ZNF334: variants seen among roughly 807,000 people sequenced by gnomAD.
ZNF334 encodes zinc finger protein 334.
A neutral mutation model predicts 12.4 loss-of-function variants in ZNF334; 14 were observed. The ratio of observed to expected loss-of-function variants is 1.13; its 90% CI spans 0.74 to 1.76. The LOEUF is 1.76. Among genes scored for constraint, ZNF334 ranks in the 40% most tolerant of loss-of-function variants. ZNF334 has a pLI of 0.00. For missense variants in ZNF334, 797 were observed against 804.5 expected (o/e 0.99, Z 0.11); for synonymous variants, 273 against 269.6 (o/e 1.01, Z -0.12).
chr20:46,485,292 A>G, the ZNF334 span, among the ~76,000 whole-genome samples: 1 of 152,364 alleles, frequency 6.6e-6, no homozygotes, highest in East Asian at 1.9e-4. Context: ...GTCTTAGGAC[A>G]GTAAACGGTG....
intron 3 of ZNF334, 59 bp downstream of exon 3, chr20:46,504,555 T>G (rs2061364284): frequency 6.6e-7 from 1 of 1,525,888 alleles, no homozygotes; most frequent in Non-Finnish European, 8.8e-7. Flanking sequence ...AATCAACATG[T>G]TTTTGTAACA....
At chr20:46,488,779 G>C in the ZNF334 span, among the ~76,000 whole-genome samples, 1 of 148,050 alleles carries the variant, frequency 6.8e-6, no homozygotes, top group Non-Finnish European at 1.5e-5. Flanking sequence ...AAAGCCATAT[G>C]CTGGGCATAG....
At chr20:46,484,580 G>A in the ZNF334 span, 6 of 167,482 alleles carry the variant, frequency 3.6e-5, no homozygotes, top group Admixed American at 6.5e-5. Flanking sequence ...AATACCTTGC[G>A]TCTTTGGGTA....
the ZNF334 span, among the ~76,000 whole-genome samples, chr20:46,490,125 C>A: frequency 3.9e-5 from 6 of 152,128 alleles, no homozygotes; most frequent in East Asian, 1.9e-4. Flanking sequence ...TGTGTTCATG[C>A]AATATAAGAA....
chr20:46,505,389 T>C (rs1409331327), intron 2 of ZNF334: 2 of 152,798 alleles, frequency 1.3e-5, no homozygotes, highest in African/African-American at 2.4e-5. Context: ...TACTTAGGAA[T>C]TGTAGTATAT....
the ZNF334 span, chr20:46,464,853 C>T: frequency 1.5e-5 from 8 of 540,074 alleles, no homozygotes; most frequent in Non-Finnish European, 2.7e-5. Context: ...GACTCAGCTT[C>T]GCCTGTATTC....
chr20:46,494,015 A>G, the ZNF334 span, among the ~76,000 whole-genome samples: 1 of 152,228 alleles, frequency 6.6e-6, no homozygotes, highest in Non-Finnish European at 1.5e-5. Context: ...AGAATCAAGA[A>G]GAAATGGAAA....
chr20:46,511,533 C>T (rs1430462372), intron 2 of ZNF334, among the ~76,000 whole-genome samples: 7 of 152,166 alleles, frequency 4.6e-5, no homozygotes, highest in Non-Finnish European at 8.8e-5. Context: ...GAATTGTTCC[C>T]TCTAGAACTT....
At chr20:46,495,931 C>T (rs141237971), downstream of ZNF334, among the ~76,000 whole-genome samples, 465 of 152,258 alleles carry the variant, frequency 3.1e-3, no homozygotes, top group Non-Finnish European at 4.2e-3. Flanking sequence ...TGCATGGCCA[C>T]GGTGGTAAAT....
At chr20:46,472,140 C>G in the ZNF334 span, among the ~76,000 whole-genome samples, 1 of 152,180 alleles carries the variant, frequency 6.6e-6, no homozygotes, top group Non-Finnish European at 1.5e-5. Flanking sequence ...TAGCCAAAGT[C>G]CTCACTTTGA....
At chr20:46,473,545 C>T in the ZNF334 span, among the ~76,000 whole-genome samples, 1 of 152,206 alleles carries the variant, frequency 6.6e-6, no homozygotes, top group Non-Finnish European at 1.5e-5. Flanking sequence ...TCAAACTATC[C>T]TTTTATTTCC....
the ZNF334 span, among the ~76,000 whole-genome samples, chr20:46,493,748 G>A: frequency 2.8e-4 from 42 of 152,330 alleles, 1 homozygote; most frequent in African/African-American, 1.0e-3. Flanking sequence ...GGGAAAGCAG[G>A]AGCGTGGTGC....
chr20:46,506,590 G>A (rs2061440046), intron 2 of ZNF334: 1 of 367,722 alleles, frequency 2.7e-6, no homozygotes, highest in African/African-American at 2.1e-5. Flanking sequence ...TACTCCAGCA[G>A]CCTGGGTGAC....
At chr20:46,473,897 G>A in the ZNF334 span, among the ~76,000 whole-genome samples, 1 of 152,240 alleles carries the variant, frequency 6.6e-6, no homozygotes, top group Non-Finnish European at 1.5e-5. Context: ...GATTGTACGT[G>A]ATTGTATATT....
chr20:46,512,808 G>A lies in ZNF334; in HGVS notation c.-307C>T, dbSNP rs935397503. On this transcript the variant is annotated 5_prime_UTR_variant, in exon 1 of 5. The change creates a new upstream start codon in the 5' untranslated region. Coordinates refer to ENST00000692313, the MANE Select transcript of ZNF334 (RefSeq NM_001353824.2). ...TACTGAAAAAAATATTTACTAAGTCGTAATTTTAATATAAGATAAATTGGT... is the reference window on the plus strand; with the variant it reads ...TACTGAAAAAAATATTTACTAAGTCATAATTTTAATATAAGATAAATTGGT... 3.3e-5 allele frequency: 5 copies of A among 152,172 alleles called. No homozygotes were observed. The highest frequency in any genetic ancestry group is 2.1e-4 in the South Asian group (1 of 4,828). The allele number at this position is 152,172 out of a possible 1,614,324, so 9.4% of individuals were successfully genotyped here.
the ZNF334 span, among the ~76,000 whole-genome samples, chr20:46,476,739 G>T: frequency 6.6e-6 from 1 of 152,148 alleles, no homozygotes; most frequent in African/African-American, 2.4e-5. Context: ...TCACATAAAG[G>T]TTAGGCGACT....
chr20:46,490,302 C>A, the ZNF334 span, among the ~76,000 whole-genome samples: 17 of 152,150 alleles, frequency 1.1e-4, no homozygotes, highest in African/African-American at 3.9e-4. Flanking sequence ...AATAGAGCAT[C>A]GGCCCAATCA....
chr20:46,463,877 A>G, the ZNF334 span: 1 of 445,890 alleles, frequency 2.2e-6, no homozygotes, highest in South Asian at 1.8e-5. Context: ...GCCAGTTCAC[A>G]TGCCACGCAA....
chr20:46,486,041 C>T, the ZNF334 span, among the ~76,000 whole-genome samples: 2 of 152,130 alleles, frequency 1.3e-5, no homozygotes, highest in Admixed American at 1.3e-4. Context: ...GAACACAAAT[C>T]TGTTTACTTT....
Sources: allele counts gnomAD v4.1 joint callset (sites outside exome capture counted in the v4.1 genomes callset), GRCh38; gene constraint gnomAD v4.1.1; transcripts MANE v1.5; gene names NCBI Gene and HGNC (gene_info 2026-07-23, HGNC 2026-07-21).